Variants in SOX5 observed in about 807,000 individuals in gnomAD.
The protein encoded by SOX5 is SRY-box transcription factor 5.
Under a neutral mutation model 92.0 loss-of-function variants are expected in SOX5, and 9 were observed. The ratio of observed to expected loss-of-function variants is 0.10; its 90% CI spans 0.06 to 0.17. SOX5 has a LOEUF of 0.17. Among genes scored for constraint, SOX5 ranks in the 10% least tolerant of loss-of-function variants. The pLI is 1.00. For missense variants in SOX5, 642 were observed against 944.5 expected, an observed-to-expected ratio of 0.68 and a Z score of 4.20; for synonymous variants, 344 against 336.3, an observed-to-expected ratio of 1.02 and a Z score of -0.25.
At chr12:24,288,741 CATGT>C (rs10611909) in intron 2 of SOX5, among the ~76,000 whole-genome samples, 64,901 of 151,206 alleles carry the variant, frequency 0.43, 16,582 homozygotes, top group East Asian at 0.78. Flanking sequence ...TGCAACAATG[CATGT>C]CCAACCTTTA....
intron 6 of SOX5, among the ~76,000 whole-genome samples, chr12:23,707,985 G>A (rs776435599): frequency 9.2e-5 from 14 of 152,030 alleles, no homozygotes; most frequent in South Asian, 6.2e-4. Flanking sequence ...CACACTTCTC[G>A]TAAGAGACTC....
At position 24,310,858 on chromosome 12, in the gene SOX5, C is replaced by CT. The variant is rs367996399; in HGVS notation, c.-173-33547dup. Among the ~76,000 whole-genome samples, 1,152 of 145,210 alleles carry CT rather than the reference C, an allele frequency of 7.9e-3. 10 individuals are homozygous for CT. The highest frequency in any genetic ancestry group is 0.025 in the African/African-American group (1,012 of 40,136). The stretch of plus-strand genomic sequence containing the variant: ...TTCAGTGTTTTCAATTTTTTTGTTT[C>CT]TTTTTTTTTTTAACTCTAAAAAGTA... On this transcript the variant is annotated intron_variant, in intron 2 of 4. Coordinates refer to the SOX5 transcript ENST00000446891.
At chr12:23,909,452 T>C (rs2097327526) in intron 1 of SOX5, among the ~76,000 whole-genome samples, 1 of 152,138 alleles carries the variant, frequency 6.6e-6, no homozygotes, top group Admixed American at 6.6e-5. Flanking sequence ...CACCACAAAA[T>C]CTGTCAGTAC....
chr12:24,281,594 T>C (rs989511716), intron 2 of SOX5, among the ~76,000 whole-genome samples: 1 of 152,224 alleles, frequency 6.6e-6, no homozygotes, highest in African/African-American at 2.4e-5. Flanking sequence ...CGCATGCAAA[T>C]GTGTACCTCG....
intron 4 of SOX5, among the ~76,000 whole-genome samples, chr12:23,999,140 CTGTGTGTGTGTG>C (rs1384723605): frequency 7.1e-6 from 1 of 141,394 alleles, no homozygotes; most frequent in African/African-American, 2.6e-5. Context: ...AAAAAAGACT[CTGTGTGTGTGTG>C]TGTGTGTGTG....
chr12:23,919,973 CT>C (rs2097465719), intron 1 of SOX5: 1 of 152,134 alleles, frequency 6.6e-6, no homozygotes, highest in South Asian at 2.1e-4. Context: ...ATATTTGACA[CT>C]GAAACTGTCC....
At chr12:24,022,438 C>T (rs1183335916) in intron 4 of SOX5, among the ~76,000 whole-genome samples, 4 of 152,086 alleles carry the variant, frequency 2.6e-5, no homozygotes, top group Non-Finnish European at 5.9e-5. Flanking sequence ...CCTTGTAGGC[C>T]ATGTTAAGAA....
At chr12:23,688,608 A>G (rs1355768685) in intron 6 of SOX5, among the ~76,000 whole-genome samples, 1 of 151,960 alleles carries the variant, frequency 6.6e-6, no homozygotes, top group Non-Finnish European at 1.5e-5. Flanking sequence ...TCTATCCCTT[A>G]TTTATTTTCC....
intron 1 of SOX5, among the ~76,000 whole-genome samples, chr12:24,424,807 T>TGGGGG (rs139281287): frequency 9.9e-5 from 13 of 131,210 alleles, no homozygotes; most frequent in African/African-American, 3.2e-4. Context: ...AGTTTTTTTT[T>TGGGGG]TGGGGGGGGG....
At chr12:23,674,879 G>C (rs1236879826) in intron 6 of SOX5, among the ~76,000 whole-genome samples, 1 of 151,878 alleles carries the variant, frequency 6.6e-6, no homozygotes, top group South Asian at 2.1e-4. Flanking sequence ...AAATAGAGAT[G>C]CAATAGAACG....
intron 7 of SOX5, among the ~76,000 whole-genome samples, chr12:23,659,162 T>C (rs1208788884): frequency 5.9e-5 from 9 of 152,142 alleles, no homozygotes; most frequent in Non-Finnish European, 1.3e-4. Context: ...TCTCCTAAAA[T>C]GCCAGACACG....
intron 1 of SOX5, among the ~76,000 whole-genome samples, chr12:24,389,223 T>A (rs975210394): frequency 7.9e-5 from 12 of 152,172 alleles, no homozygotes; most frequent in Non-Finnish European, 1.5e-4. Context: ...TTTTTGTTCT[T>A]GCGATAGTTT....
chr12:23,710,227 G>C (rs2091901328), intron 6 of SOX5, among the ~76,000 whole-genome samples: 2 of 152,086 alleles, frequency 1.3e-5, no homozygotes, highest in Admixed American at 1.3e-4. Flanking sequence ...AATATTTTCA[G>C]TGCAATATAT....
rs61424283 is a variant in SOX5, at chr12:24,067,049, G to T, written c.-2+146294C>A. Among the ~76,000 whole-genome samples the T allele has an allele frequency of 6.0e-3, 915 of 152,186 alleles. 12 individuals carry two copies. Among genetic ancestry groups the T allele is most frequent in the African/African-American group, 0.021 (886 of 41,510 alleles). On this transcript the variant is annotated intron_variant, in intron 4 of 4. Transcript: ENST00000446891. ...CCAACCCATTTTAATTTGTCTAAAG[G>T]TGGCCTGGCCAGCACCAGAATTTAA...
At chr12:24,409,202 A>G (rs573382633) in intron 1 of SOX5, among the ~76,000 whole-genome samples, 1 of 152,372 alleles carries the variant, frequency 6.6e-6, no homozygotes, top group East Asian at 1.9e-4. Flanking sequence ...GAAAGCCATC[A>G]TCCTTAGCAA....
intron 1 of SOX5, among the ~76,000 whole-genome samples, chr12:24,439,506 C>T (rs756970082): frequency 6.6e-6 from 1 of 152,150 alleles, no homozygotes; most frequent in Non-Finnish European, 1.5e-5. Context: ...ACTTTGTTCA[C>T]TCAAGTGGAA....
At chr12:23,852,826 T>G (rs753539459) in intron 2 of SOX5, among the ~76,000 whole-genome samples, 8 of 152,082 alleles carry the variant, frequency 5.3e-5, no homozygotes, top group Non-Finnish European at 8.8e-5. Context: ...CCAGACTTCC[T>G]GAATCAGATG....
chr12:24,188,405 G>C (rs1048555985), intron 4 of SOX5, among the ~76,000 whole-genome samples: 2 of 151,988 alleles, frequency 1.3e-5, no homozygotes, highest in Non-Finnish European at 2.9e-5. Context: ...ACTGTACAGA[G>C]GAACAAAATT....
chr12:23,610,407 A>T lies in SOX5; in HGVS notation c.1018-5874T>A, dbSNP rs1363962784. Among the ~76,000 whole-genome samples the T allele has an allele frequency of 1.2e-4, 19 of 152,258 alleles. No homozygotes were observed. The East Asian group carries it at 2.1e-3, about 17-fold the overall frequency. On this transcript the variant is annotated intron_variant, in intron 8 of 14. Transcript: ENST00000451604. Reference sequence around the variant, plus strand: ...GGCACTGACAAAAATATCTATCAAGATTTATTGCCCCAAACCATTTACTGA... The same window carrying T: ...GGCACTGACAAAAATATCTATCAAGTTTTATTGCCCCAAACCATTTACTGA...
Sources: gnomAD v4.1 joint callset for allele counts (sites outside exome capture counted in the v4.1 genomes callset) on GRCh38, gnomAD v4.1.1 for gene constraint, MANE v1.5 for transcripts, NCBI Gene and HGNC (gene_info 2026-07-23, HGNC 2026-07-21) for gene names.